The following CA5B variants were observed in gnomAD, a reference collection of about 807,000 sequenced individuals.
The protein encoded by CA5B is carbonic anhydrase 5B, mitochondrial.
CA5B carries 15 observed loss-of-function variants against 23.1 expected under a neutral mutation model. The observed-to-expected ratio is 0.65, with a 90% CI of 0.43 to 1.00. The LOEUF is 1.00. Among genes scored for constraint, CA5B ranks in the 50% least tolerant of loss-of-function variants. CA5B has a pLI of 0.00. For synonymous variants in CA5B, 84 were observed against 98.5 expected (o/e 0.85, Z 0.87); for missense variants, 236 against 252.2 (o/e 0.94, Z 0.43).
Position 15,751,991 on chromosome X carries a change from C to G in CA5B, c.142+1826C>G, listed in dbSNP as rs1190895223. Among the ~76,000 whole-genome samples, 3 of 111,410 alleles carry G rather than the reference C, an allele frequency of 2.7e-5. No individual in the cohort carries two copies. In the East Asian group the frequency reaches 8.5e-4, roughly 31 times the overall value. ...AAAGATAACGTGTTAATGAAAAAAG[C>G]CAAATTCTAAAATATTTGAAGAGGT... On this transcript the variant is annotated intron_variant, in intron 2 of 7. Transcript: ENST00000318636.
chrX:15,741,107 A>G (rs2147250858), intron 1 of CA5B, among the ~76,000 whole-genome samples: 1 of 108,147 alleles, frequency 9.2e-6, no homozygotes, highest in Admixed American at 9.7e-5. Context: ...TCGCCCTGTC[A>G]CCTAGGCTGG....
chrX:15,788,282 AATG>A lies in CA5B; in HGVS notation c.*5625_*5627del, dbSNP rs1329457583. The A allele has an allele frequency of 8.0e-5, 9 of 112,144 alleles. No homozygotes were observed. The highest frequency in any genetic ancestry group is 5.6e-4 in the East Asian group (2 of 3,596). The allele number at this position is 112,144 out of a possible 1,213,427, so 9.2% of individuals were successfully genotyped here. A position where few individuals can be genotyped will look rare whatever the true frequency, so the allele number is the denominator to read the frequency against. On this transcript the variant is annotated 3_prime_UTR_variant, in exon 8 of 8. Transcript: ENST00000318636. ...TGAGGGGTCAGGAAGTTTTCACACT[AATG>A]ATGATGGTGATGAGATGATGTAACA...
At chrX:15,763,326 T>C (rs1270181867) in intron 2 of CA5B, among the ~76,000 whole-genome samples, 2 of 112,675 alleles carry the variant, frequency 1.8e-5, no homozygotes, top group Non-Finnish European at 3.7e-5. Flanking sequence ...TATTGAAAAT[T>C]GAATTAATTT....
At chrX:15,772,750 C>G (rs186098670) in intron 4 of CA5B, 136 bp downstream of exon 4, 4 of 403,222 alleles carry the variant, frequency 9.9e-6, no homozygotes, top group African/African-American at 5.0e-5. Context: ...TTTGATCATT[C>G]TCAGCTAAGA....
At chrX:15,774,750 C>T (rs1601793306) in intron 5 of CA5B, among the ~76,000 whole-genome samples, 1 of 111,664 alleles carries the variant, frequency 9.0e-6, no homozygotes, top group East Asian at 2.8e-4. Flanking sequence ...AGGAGGATCG[C>T]TTGCTTGAGC....
chrX:15,777,703 A>G (rs1378338041), intron 7 of CA5B, among the ~76,000 whole-genome samples: 1 of 112,281 alleles, frequency 8.9e-6, no homozygotes. Context: ...CTATCAGTGG[A>G]TCTAAATAGA....
intron 2 of CA5B, among the ~76,000 whole-genome samples, chrX:15,753,379 G>C (rs920045306): frequency 8.9e-6 from 1 of 112,229 alleles, no homozygotes; most frequent in South Asian, 3.7e-4. Flanking sequence ...AGAAATGCTT[G>C]AGTTAAGATA....
chrX:15,775,137 G>A, intron 5 of CA5B, 109 bp from the exon 6 acceptor site: 1 of 492,696 alleles, frequency 2.0e-6, no homozygotes, highest in Non-Finnish European at 3.4e-6. Context: ...CAGTCATGCA[G>A]TTTGTTTTTA....
In CA5B at chrX:15,772,527, C is replaced by T; in HGVS notation, c.372C>T (p.Tyr124=). 3 of 1,207,334 alleles carry T rather than the reference C, an allele frequency of 2.5e-6. No individual in the cohort carries two copies. Among genetic ancestry groups the T allele is most frequent in the Non-Finnish European group, 3.4e-6 (3 of 891,945 alleles). The change falls in exon 4 of 8, where the codon TAC becomes TAT. Residue 124 remains tyrosine, a synonymous_variant. Transcript: ENST00000318636. ...VIKGGPLEHN[Y]RLKQFHFHWG... The stretch of plus-strand genomic sequence containing the variant: ...AGGGAGGACCCCTGGAACACAACTA[C>T]CGATTGAAGCAGTTCCATTTTCACT...
At chrX:15,775,853 C>G (rs187118301) in intron 6 of CA5B, 66 of 746,336 alleles carry the variant, frequency 8.8e-5, no homozygotes, top group African/African-American at 5.9e-4. Context: ...CTTTCCCTCT[C>G]CTTTCCTCTC....
At chrX:15,782,345 C>T in intron 7 of CA5B, 140 bp from the exon 8 acceptor site, 2 of 554,590 alleles carry the variant, frequency 3.6e-6, no homozygotes, top group Non-Finnish European at 5.8e-6. Flanking sequence ...GTGGTGAAGG[C>T]GTTCTTACCC....
chrX:15,782,442 G>A, intron 7 of CA5B, 43 bp from the exon 8 acceptor site: 1 of 1,133,002 alleles, frequency 8.8e-7, no homozygotes, highest in Non-Finnish European at 1.2e-6. Context: ...GGTAAAGCGA[G>A]TTTTCTGTTG....
intron 7 of CA5B, among the ~76,000 whole-genome samples, chrX:15,781,113 G>C (rs994928197): frequency 9.0e-6 from 1 of 110,591 alleles, no homozygotes; most frequent in Admixed American, 9.6e-5. Flanking sequence ...CAGTAGCTGG[G>C]ATTACAGGCA....
rs1211347958 is a variant in CA5B at position 15,776,831 on chromosome X, A to G, written c.736A>G (p.Ile246Val). The stretch of plus-strand genomic sequence containing the variant: ...ACCCCTCTCCGAGTCTGTCACCTGG[A>G]TCATTAAGAAGCAACCAGTAGAGGT... ...TPPLSESVTW[I>V]IKKQPVEVDH... Residue 246 changes from isoleucine to valine, a missense_variant, in exon 7 of 8, where the codon ATC (isoleucine) becomes GTC (valine). Physicochemically the swap from Ile to Val is conservative, Grantham distance 29. This residue lies in a region of CA5B where 170 missense variants were observed against 162.0 expected (regional missense o/e 1.05). Transcript: ENST00000318636. 2.5e-6 allele frequency: 3 copies of G among 1,210,008 alleles called. No individual in the cohort carries two copies. The highest frequency in any genetic ancestry group is 3.4e-6 in the Non-Finnish European group (3 of 893,966).
At chrX:15,757,381 T>C (rs779908595) in intron 2 of CA5B, among the ~76,000 whole-genome samples, 1 of 111,511 alleles carries the variant, frequency 9.0e-6, no homozygotes, top group Non-Finnish European at 1.9e-5. Flanking sequence ...CTGGGCATTA[T>C]GGTGGGTGCC....
intron 7 of CA5B, among the ~76,000 whole-genome samples, chrX:15,779,137 A>G (rs775917754): frequency 2.7e-5 from 3 of 111,590 alleles, no homozygotes; most frequent in Non-Finnish European, 3.8e-5. Context: ...CAGGAAAGAC[A>G]GTGGTGTAGT....
At chrX:15,773,671 A>C (rs1039208466) in intron 4 of CA5B, among the ~76,000 whole-genome samples, 1 of 110,362 alleles carries the variant, frequency 9.1e-6, no homozygotes, top group Non-Finnish European at 1.9e-5. Context: ...GGCCTCCCAA[A>C]GTGCTGGGAT....
At chrX:15,752,258 C>A (rs1415164621) in intron 2 of CA5B, among the ~76,000 whole-genome samples, 1 of 111,409 alleles carries the variant, frequency 9.0e-6, no homozygotes, top group Non-Finnish European at 1.9e-5. Context: ...TAAATTCTCA[C>A]CAGATGGGTT....
intron 2 of CA5B, among the ~76,000 whole-genome samples, chrX:15,752,990 C>T (rs1261227766): frequency 4.5e-5 from 5 of 111,278 alleles, no homozygotes; most frequent in Non-Finnish European, 7.5e-5. Context: ...CGTAGAAGCC[C>T]CCCCAACCCC....
Sources: allele counts gnomAD v4.1 joint callset (sites outside exome capture counted in the v4.1 genomes callset), GRCh38; gene constraint gnomAD v4.1.1; regional missense constraint gnomAD v4.1.1; transcripts MANE v1.5; gene names NCBI Gene and HGNC (gene_info 2026-07-23, HGNC 2026-07-21).